Variants in ADGRV1 observed in about 807,000 individuals in gnomAD.
ADGRV1 encodes the protein adhesion G protein-coupled receptor V1, also known as G-protein coupled receptor 98.
In ADGRV1, 359 loss-of-function variants were observed where a neutral mutation model predicts 596.2. That is an observed-to-expected ratio of 0.60 (90% CI 0.55 to 0.66). The LOEUF (loss-of-function observed/expected upper bound fraction) is 0.66, where lower values mean the gene tolerates loss of function less well. ADGRV1 is among the 30% of genes least tolerant of loss of function. The pLI is 0.00. For missense variants in ADGRV1, 7,274 were observed against 7,575.6 expected, an observed-to-expected ratio of 0.96 and a Z score of 1.48; for synonymous variants, 2,681 against 2,679.2, an observed-to-expected ratio of 1.00 and a Z score of -0.02.
intron 61 of ADGRV1, 114 bp downstream of exon 61, chr5:90,776,690 C>A: frequency 4.3e-6 from 5 of 1,155,910 alleles, no homozygotes; most frequent in Non-Finnish European, 5.1e-6. Context: ...CATTAACATT[C>A]TATATACTGT....
intron 83 of ADGRV1, among the ~76,000 whole-genome samples, chr5:90,957,523 C>G (rs930931008): frequency 6.8e-6 from 1 of 148,020 alleles, no homozygotes; most frequent in Non-Finnish European, 1.5e-5. Flanking sequence ...GTAGTGAGGG[C>G]TAATTTTGCT....
chr5:91,007,405 C>A (rs774080846), intron 85 of ADGRV1, among the ~76,000 whole-genome samples: 1 of 147,074 alleles, frequency 6.8e-6, no homozygotes, highest in South Asian at 2.2e-4. Context: ...ATCTCCCTAC[C>A]TACTTCCTTT....
intron 85 of ADGRV1, among the ~76,000 whole-genome samples, chr5:91,042,875 G>A (rs557333864): frequency 2.3e-4 from 35 of 152,106 alleles, no homozygotes; most frequent in African/African-American, 7.9e-4. Flanking sequence ...GTGCTGAAAG[G>A]GTTCACTGTT....
At chr5:90,599,213 A>G (rs1446850742) in intron 1 of ADGRV1, among the ~76,000 whole-genome samples, 2 of 152,230 alleles carry the variant, frequency 1.3e-5, no homozygotes, top group African/African-American at 2.4e-5. Flanking sequence ...AGTATTAGGC[A>G]TTCACTTCTC....
chr5:90,739,923 C>T (rs1158251899), intron 50 of ADGRV1, among the ~76,000 whole-genome samples: 2 of 152,194 alleles, frequency 1.3e-5, no homozygotes, highest in Non-Finnish European at 2.9e-5. Context: ...GAGTCAGATG[C>T]TCCCCTCAGA....
At chr5:91,068,258 C>T (rs775797496) in intron 85 of ADGRV1, among the ~76,000 whole-genome samples, 1 of 151,646 alleles carries the variant, frequency 6.6e-6, no homozygotes, top group Non-Finnish European at 1.5e-5. Flanking sequence ...AGATCAAGAC[C>T]ATCCTGGCTA....
At chr5:90,711,460 A>G in intron 41 of ADGRV1, 138 bp downstream of exon 41, 1 of 612,192 alleles carries the variant, frequency 1.6e-6, no homozygotes, top group Non-Finnish European at 2.6e-6. Context: ...AAATTAGGAC[A>G]GAAGATTTCC....
intron 79 of ADGRV1, among the ~76,000 whole-genome samples, chr5:90,850,104 T>C (rs1766327132): frequency 6.6e-6 from 1 of 152,184 alleles, no homozygotes; most frequent in Non-Finnish European, 1.5e-5. Context: ...TACTTGAGTC[T>C]ACAGCCCCTG....
chr5:91,023,959 T>A (rs991483951), intron 85 of ADGRV1, among the ~76,000 whole-genome samples: 1 of 152,180 alleles, frequency 6.6e-6, no homozygotes, highest in African/African-American at 2.4e-5. Flanking sequence ...AACCACTATG[T>A]CTCAAACTTG....
At chr5:91,049,064 T>TA (rs35755357) in intron 85 of ADGRV1, among the ~76,000 whole-genome samples, 128 of 148,372 alleles carry the variant, frequency 8.6e-4, no homozygotes, top group Middle Eastern at 3.5e-3. Flanking sequence ...TGCTTTTCCT[T>TA]AAAAAAAAAA....
At chr5:90,996,797 C>T (rs1362035376) in intron 85 of ADGRV1, among the ~76,000 whole-genome samples, 2 of 152,184 alleles carry the variant, frequency 1.3e-5, no homozygotes, top group Non-Finnish European at 2.9e-5. Context: ...CTTGGGAGCC[C>T]ACGCCTAGTG....
In ADGRV1 at chr5:90,724,571, G is replaced by A. The variant is rs116165730; in HGVS notation, c.9749-261G>A. Among the ~76,000 whole-genome samples the A allele has an allele frequency of 0.019, 2,963 of 152,264 alleles. 85 individuals are homozygous for A. The highest frequency in any genetic ancestry group is 0.068 in the African/African-American group (2,816 of 41,544). On this transcript the variant is annotated intron_variant, in intron 45 of 89. Coordinates refer to ENST00000405460, the MANE Select transcript of ADGRV1 (RefSeq NM_032119.4). ...CTAAATACACCTTGGAAAAGTATGT[G>A]TAGGTATAAAGCAGAGCTTTAACAA... is the stretch of plus-strand genomic sequence containing the variant.
At chr5:90,659,936 G>T (rs889787770) in intron 21 of ADGRV1, among the ~76,000 whole-genome samples, 3 of 152,122 alleles carry the variant, frequency 2.0e-5, no homozygotes, top group South Asian at 2.1e-4. Context: ...TGAAGCTGAG[G>T]CAGGAGAATG....
rs182119503 is a variant in ADGRV1, at chr5:90,645,994, C to T, written c.2925C>T (p.Thr975=). ...DEIPEEMEEF[T]VILLNGTGGA... Reference sequence around the variant, plus strand: ...TTCCAGAAGAAATGGAAGAATTTACCGTTATCCTACTGAATGGCACTGGAG... The same window carrying T: ...TTCCAGAAGAAATGGAAGAATTTACTGTTATCCTACTGAATGGCACTGGAG... Residue 975 remains threonine (T), a synonymous_variant, in exon 16 of 90, where the codon ACC becomes ACT. Transcript: ENST00000405460. 10 of 1,593,624 alleles carry T rather than the reference C, an allele frequency of 6.3e-6. No homozygotes were observed. The highest frequency in any genetic ancestry group is 2.3e-5 in the East Asian group (1 of 44,262).
intron 83 of ADGRV1, among the ~76,000 whole-genome samples, chr5:90,910,496 A>G (rs1371992932): frequency 6.6e-6 from 1 of 151,978 alleles, no homozygotes; most frequent in Non-Finnish European, 1.5e-5. Context: ...AACCTTTAAA[A>G]TGCCCACTTT....
At chr5:90,754,023 A>G (rs1241667186) in intron 54 of ADGRV1, among the ~76,000 whole-genome samples, 194 bp downstream of exon 54, 2 of 152,106 alleles carry the variant, frequency 1.3e-5, no homozygotes, top group Non-Finnish European at 2.9e-5. Flanking sequence ...TGTTATAGGA[A>G]ATGTGTCTTT....
chr5:90,958,704 T>C (rs1357453260), intron 83 of ADGRV1, among the ~76,000 whole-genome samples: 2 of 152,078 alleles, frequency 1.3e-5, no homozygotes, highest in Admixed American at 1.3e-4. Context: ...TGTCCAAAAT[T>C]TTCACCTCTT....
At chr5:91,011,750 CA>C (rs1374496807) in intron 85 of ADGRV1, among the ~76,000 whole-genome samples, 213 of 150,688 alleles carry the variant, frequency 1.4e-3, no homozygotes, top group African/African-American at 3.7e-3. Flanking sequence ...TTGATAAGGC[CA>C]GGGGGGAAAA....
chr5:91,103,956 G>C (rs191655822), intron 87 of ADGRV1, among the ~76,000 whole-genome samples: 1 of 152,202 alleles, frequency 6.6e-6, no homozygotes, highest in African/African-American at 2.4e-5. Flanking sequence ...GAAGTTGTAG[G>C]AGAGGAGACA....
Sources: allele counts gnomAD v4.1 joint callset (sites outside exome capture counted in the v4.1 genomes callset), GRCh38; gene constraint gnomAD v4.1.1; transcripts MANE v1.5; gene names NCBI Gene and HGNC (gene_info 2026-07-23, HGNC 2026-07-21).